The following TCF12 variants were observed in gnomAD, a reference collection of about 807,000 sequenced individuals.
TCF12 encodes the protein DNA-binding protein HTF4.
A neutral mutation model predicts 86.0 loss-of-function variants in TCF12; 45 were observed. The observed-to-expected ratio is 0.52, with a 90% CI of 0.41 to 0.67. The LOEUF (loss-of-function observed/expected upper bound fraction) is 0.67, where lower values mean the gene tolerates loss of function less well. Among genes scored for constraint, TCF12 ranks in the 30% least tolerant of loss-of-function variants. The pLI, the probability that TCF12 is intolerant of heterozygous loss-of-function variation, is 0.00. For missense variants in TCF12, 881 were observed against 859.9 expected (o/e 1.02, Z -0.31); for synonymous variants, 330 against 299.6 (o/e 1.10, Z -1.05).
At chr15:56,945,166 T>C (rs1172713379) in intron 3 of TCF12, among the ~76,000 whole-genome samples, 1 of 152,230 alleles carries the variant, frequency 6.6e-6, no homozygotes, top group Non-Finnish European at 1.5e-5. Context: ...TTGATTTTTA[T>C]ATTGACTTAT....
rs1166862090 is a variant in TCF12 at position 57,111,586 on chromosome 15, C to CTT, written c.325+19717_325+19718dup. Among the ~76,000 whole-genome samples the CTT allele has an allele frequency of 4.2e-3, 489 of 115,446 alleles. 12 individuals are homozygous for CTT. Among genetic ancestry groups the CTT allele is most frequent in the African/African-American group, 0.015 (446 of 30,618 alleles). 75.7% of individuals were successfully genotyped at this position (115,446 alleles called of 152,430 possible). A position where few individuals can be genotyped will look rare whatever the true frequency, so the allele number is the denominator to read the frequency against. On this transcript the variant is annotated intron_variant, in intron 5 of 20. Transcript: ENST00000333725. ...GAATAGGTAGGTTTGGTTTGTTTAT[C>CTT]TTTTTTTTTTTTTTTTTTTTTTTAA...
rs186087118 is a variant in TCF12, at chr15:56,948,263, A to T, written c.148+27165A>T. 4.6e-5 allele frequency among the ~76,000 whole-genome samples: 7 copies of T among 152,126 alleles called. No homozygotes were observed. In the East Asian group the frequency reaches 1.4e-3, roughly 29 times the overall value. On this transcript the variant is annotated intron_variant, in intron 3 of 20. Transcript: ENST00000333725. ...CAGCCTCCTGAGTAGCTAGCACCTG[A>T]AAATGCTTTTTAAATGATGGTGCAG...
chr15:57,170,170 C>T (rs1237278592), intron 6 of TCF12, among the ~76,000 whole-genome samples: 1 of 152,124 alleles, frequency 6.6e-6, no homozygotes. Flanking sequence ...AGTGTTTTGA[C>T]TATATGACTA....
chr15:57,012,390 T>C (rs2064885051), intron 3 of TCF12, among the ~76,000 whole-genome samples: 1 of 152,186 alleles, frequency 6.6e-6, no homozygotes, highest in African/African-American at 2.4e-5. Context: ...GTTAGAGAAG[T>C]AGTGGTAGCT....
At chr15:56,979,784 C>T (rs1362445830) in intron 3 of TCF12, among the ~76,000 whole-genome samples, 1 of 152,070 alleles carries the variant, frequency 6.6e-6, no homozygotes, top group African/African-American at 2.4e-5. Flanking sequence ...AGTATTATTC[C>T]TGCTATCTAA....
chr15:57,182,895 C>G (rs751925355), intron 6 of TCF12, among the ~76,000 whole-genome samples: 4 of 152,064 alleles, frequency 2.6e-5, no homozygotes, highest in Non-Finnish European at 5.9e-5. Context: ...TTATAAATCA[C>G]TTACATGTTT....
At chr15:57,219,049 T>C (rs1015605344) in intron 8 of TCF12, 6 of 1,050,420 alleles carry the variant, frequency 5.7e-6, no homozygotes, top group Non-Finnish European at 6.9e-6. Context: ...CTTTAGACCA[T>C]GGCAGATGGT....
intron 3 of TCF12, among the ~76,000 whole-genome samples, chr15:57,059,384 A>G (rs979745034): frequency 2.6e-5 from 4 of 152,118 alleles, no homozygotes; most frequent in African/African-American, 9.7e-5. Context: ...TGCTGCAGGG[A>G]CATCCTAACC....
At chr15:57,290,522 G>A (rs1418576321), downstream of TCF12, among the ~76,000 whole-genome samples, 1 of 152,142 alleles carries the variant, frequency 6.6e-6, no homozygotes, top group Non-Finnish European at 1.5e-5. Context: ...AGTAGACAGG[G>A]ATGGTCTTCA....
At chr15:57,087,380 C>A (rs985664050) in intron 4 of TCF12, among the ~76,000 whole-genome samples, 1 of 148,222 alleles carries the variant, frequency 6.7e-6, no homozygotes, top group Non-Finnish European at 1.5e-5. Flanking sequence ...CCACTGCACT[C>A]CAGCCTGAGC....
intron 3 of TCF12, among the ~76,000 whole-genome samples, chr15:56,950,838 C>G (rs1335783071): frequency 7.0e-6 from 1 of 142,594 alleles, no homozygotes; most frequent in Admixed American, 7.3e-5. Flanking sequence ...CTTACCACAA[C>G]CTCTTCCTCC....
chr15:56,958,976 T>C (rs1204852770), intron 3 of TCF12, among the ~76,000 whole-genome samples: 1 of 152,242 alleles, frequency 6.6e-6, no homozygotes, highest in East Asian at 1.9e-4. Flanking sequence ...CAGTGCCCTT[T>C]ATATGTATAT....
chr15:57,192,110 G>T, intron 6 of TCF12, 48 bp from the exon 7 acceptor site: 1 of 1,600,666 alleles, frequency 6.2e-7, no homozygotes. Flanking sequence ...TCAGGTTTGG[G>T]TCAGTATCAG....
chr15:57,246,792 G>T (rs547847247), intron 13 of TCF12, among the ~76,000 whole-genome samples: 2 of 152,264 alleles, frequency 1.3e-5, no homozygotes, highest in South Asian at 4.1e-4. Flanking sequence ...ATGGTTTCCT[G>T]TTTCAGCTGC....
intron 5 of TCF12, among the ~76,000 whole-genome samples, chr15:57,123,982 A>AAAAAAAAAAAAAAAAAAATT (rs1555511574): frequency 9.0e-6 from 1 of 111,266 alleles, no homozygotes; most frequent in African/African-American, 3.0e-5. Context: ...AAAAAAAAAA[A>AAAAAAAAAAAAAAAAAAATT]TTTTTTTTTT....
intron 5 of TCF12, among the ~76,000 whole-genome samples, chr15:57,137,524 G>T (rs1403718121): frequency 6.6e-6 from 1 of 152,110 alleles, no homozygotes; most frequent in African/African-American, 2.4e-5. Context: ...AATATTTGTG[G>T]ATTAACTGAG....
At chr15:57,165,775 A>T (rs1355463264) in intron 5 of TCF12, among the ~76,000 whole-genome samples, 1 of 152,098 alleles carries the variant, frequency 6.6e-6, no homozygotes, top group African/African-American at 2.4e-5. Context: ...TTACCTCGTG[A>T]TCCGCCCGCC....
intron 18 of TCF12, among the ~76,000 whole-genome samples, chr15:57,263,502 C>T (rs1459841106): frequency 6.6e-6 from 1 of 152,038 alleles, no homozygotes; most frequent in African/African-American, 2.4e-5. Flanking sequence ...ATTTGAGGGA[C>T]TATATATAAA....
At chr15:57,003,771 A>G (rs8034066) in intron 3 of TCF12, among the ~76,000 whole-genome samples, 37,606 of 152,178 alleles carry the variant, frequency 0.25, 5,499 homozygotes, top group East Asian at 0.4. Context: ...TCCGTGAATA[A>G]TGAAGATCAA....
Sources: allele counts gnomAD v4.1 joint callset (sites outside exome capture counted in the v4.1 genomes callset), GRCh38; gene constraint gnomAD v4.1.1; transcripts MANE v1.5; gene names NCBI Gene and HGNC (gene_info 2026-07-23, HGNC 2026-07-21).